Variants in WASF1 observed in about 807,000 individuals in gnomAD.
WASF1 encodes the protein actin-binding protein WASF1.
A neutral mutation model predicts 50.5 loss-of-function variants in WASF1; 7 were observed. The observed-to-expected ratio is 0.14, with a 90% confidence interval of 0.08 to 0.26. The LOEUF (loss-of-function observed/expected upper bound fraction) is 0.26. Among genes scored for constraint, WASF1 ranks in the 10% least tolerant of loss-of-function variants. WASF1 has a pLI of 1.00. For missense variants in WASF1, 470 were observed against 694.7 expected, an observed-to-expected ratio of 0.68 and a Z score of 3.64; for synonymous variants, 205 against 244.0, an observed-to-expected ratio of 0.84 and a Z score of 1.49.
chr6:110,151,631 A>G (rs1775830009), intron 3 of WASF1, among the ~76,000 whole-genome samples: 1 of 148,508 alleles, frequency 6.7e-6, no homozygotes. Flanking sequence ...ATACTACTTT[A>G]TATTTGTAGA....
chr6:110,127,815 T>A (rs1179396912), intron 3 of WASF1, among the ~76,000 whole-genome samples, 186 bp from the exon 4 acceptor site: 4 of 152,176 alleles, frequency 2.6e-5, no homozygotes, highest in Non-Finnish European at 5.9e-5. Flanking sequence ...AAACCCCTCC[T>A]CTTCCTCCTC....
chr6:110,135,320 C>CA (rs138928018), intron 3 of WASF1, among the ~76,000 whole-genome samples: 18,316 of 152,112 alleles, frequency 0.12, 1,395 homozygotes, highest in Middle Eastern at 0.17. Context: ...TGAACAGCGA[C>CA]AGTATGACTT....
intron 3 of WASF1, among the ~76,000 whole-genome samples, chr6:110,135,451 A>T (rs1481347320): frequency 6.6e-6 from 1 of 152,048 alleles, no homozygotes; most frequent in African/African-American, 2.4e-5. Flanking sequence ...TGTTTTTCCT[A>T]CATTTATCAT....
rs1005508809 is a variant in WASF1 at position 110,158,447 on chromosome 6, C to T, written c.-29+2188G>A. ...TTGTGTCTATTTGATTCTTCTCTCT[C>T]TTTTTCTTTATTAGTCTTGCTAGCG... On this transcript the variant is annotated intron_variant, in intron 3 of 10. Transcript: ENST00000392589. 2.2e-5 allele frequency among the ~76,000 whole-genome samples: 3 copies of T among 139,096 alleles called. 1 individual carries two copies. The highest frequency in any genetic ancestry group is 1.5e-5 in the Non-Finnish European group (1 of 64,994). 91.3% of individuals were successfully genotyped at this position (139,096 alleles called of 152,430 possible). A position where few individuals can be genotyped will look rare whatever the true frequency, so the allele number is the denominator to read the frequency against.
At chr6:110,159,901 C>T (rs1457766521) in intron 3 of WASF1, among the ~76,000 whole-genome samples, 1 of 151,762 alleles carries the variant, frequency 6.6e-6, no homozygotes, top group Non-Finnish European at 1.5e-5. Context: ...TGGAACATTT[C>T]AGATTTTGGA....
At chr6:110,165,143 C>T (rs1314120715) in intron 2 of WASF1, among the ~76,000 whole-genome samples, 1 of 151,462 alleles carries the variant, frequency 6.6e-6, no homozygotes, top group African/African-American at 2.4e-5. Context: ...CGTATCAAAA[C>T]CCATCAAATG....
intron 2 of WASF1, among the ~76,000 whole-genome samples, chr6:110,166,835 T>C (rs546594189): frequency 4.3e-4 from 66 of 152,070 alleles, no homozygotes; most frequent in Non-Finnish European, 8.7e-4. Context: ...TAAGATACAA[T>C]GATTAGCATA....
chr6:110,131,539 G>A (rs777837210), intron 3 of WASF1, among the ~76,000 whole-genome samples: 20 of 152,194 alleles, frequency 1.3e-4, no homozygotes, highest in South Asian at 8.3e-4. Context: ...TAGTAAGTTC[G>A]CTCTGTTGCT....
At chr6:110,165,712 G>A (rs986073981) in intron 2 of WASF1, among the ~76,000 whole-genome samples, 5 of 151,486 alleles carry the variant, frequency 3.3e-5, no homozygotes, top group Admixed American at 3.3e-4. Flanking sequence ...TTCTGACATG[G>A]ATCTTCTGTA....
intron 3 of WASF1, among the ~76,000 whole-genome samples, chr6:110,146,628 C>A (rs6927464): frequency 0.073 from 11,051 of 151,786 alleles, 542 homozygotes; most frequent in African/African-American, 0.14. Flanking sequence ...AATATATTTG[C>A]AAGGTTATTG....
chr6:110,135,693 T>C (rs1186146161), intron 3 of WASF1, among the ~76,000 whole-genome samples: 1 of 147,836 alleles, frequency 6.8e-6, no homozygotes, highest in Non-Finnish European at 1.5e-5. Context: ...AGATTTCTAA[T>C]CAGCTGACCT....
chr6:110,120,922 A>C (rs1037414514), intron 4 of WASF1, among the ~76,000 whole-genome samples: 3 of 152,222 alleles, frequency 2.0e-5, no homozygotes, highest in African/African-American at 7.2e-5. Flanking sequence ...ACCTGACAAA[A>C]ACAAGAAATG....
At chr6:110,138,801 T>C (rs1421764630) in intron 3 of WASF1, among the ~76,000 whole-genome samples, 2 of 152,156 alleles carry the variant, frequency 1.3e-5, no homozygotes, top group Non-Finnish European at 2.9e-5. Context: ...TAGGCGGCCA[T>C]GGGTGGGCTT....
At chr6:110,116,217 C>A (rs1337549673) in intron 4 of WASF1, among the ~76,000 whole-genome samples, 1 of 152,206 alleles carries the variant, frequency 6.6e-6, no homozygotes, top group Non-Finnish European at 1.5e-5. Context: ...CAAGCTGAAG[C>A]AGGGCGAGGC....
At chr6:110,167,778 T>G (rs1776539082) in intron 2 of WASF1, among the ~76,000 whole-genome samples, 1 of 152,004 alleles carries the variant, frequency 6.6e-6, no homozygotes, top group African/African-American at 2.4e-5. Flanking sequence ...TAATTAAAAA[T>G]AAGTGACTTA....
chr6:110,160,545 T>C (rs1012165258), intron 3 of WASF1, 90 bp downstream of exon 3: 1 of 151,778 alleles, frequency 6.6e-6, no homozygotes, highest in African/African-American at 2.4e-5. Context: ...TTTATTAGTA[T>C]ATAACTTTTG....
intron 3 of WASF1, among the ~76,000 whole-genome samples, chr6:110,129,834 TAGAAG>T (rs1404623910): frequency 1.3e-5 from 2 of 152,204 alleles, no homozygotes; most frequent in Non-Finnish European, 2.9e-5. Context: ...TAACCTACAA[TAGAAG>T]AGGTTTTACT....
Position 110,127,614 on chromosome 6 carries a change from C to T in WASF1, c.-13G>A, listed in dbSNP as rs761643653. Reference sequence around the variant, plus strand: ...TCACTAGCGGCATCTTGAGATTAACCTTTGTGCCAGTTCACCTGTAGGAAA... The same window carrying T: ...TCACTAGCGGCATCTTGAGATTAACTTTTGTGCCAGTTCACCTGTAGGAAA... On this transcript the variant is annotated 5_prime_UTR_variant, in exon 4 of 11. Coordinates refer to ENST00000392589, the MANE Select transcript of WASF1 (RefSeq NM_003931.3). 3.3e-6 allele frequency: 5 copies of T among 1,522,602 alleles called. No homozygotes were observed. Among genetic ancestry groups the T allele is most frequent in the Non-Finnish European group, 3.5e-6 (4 of 1,135,902 alleles). The allele number at this position is 1,522,602 out of a possible 1,614,324, so 94.3% of individuals were successfully genotyped here.
chr6:110,158,542 A>G (rs1380381663), intron 3 of WASF1, among the ~76,000 whole-genome samples: 1 of 130,906 alleles, frequency 7.6e-6, no homozygotes, highest in Non-Finnish European at 1.6e-5. Context: ...AGAGGATCCT[A>G]TTCGGCCATC....
Sources: gnomAD v4.1 joint callset for allele counts (sites outside exome capture counted in the v4.1 genomes callset) on GRCh38, gnomAD v4.1.1 for gene constraint, MANE v1.5 for transcripts, NCBI Gene and HGNC (gene_info 2026-07-23, HGNC 2026-07-21) for gene names.